TASP1: variants seen among roughly 807,000 people sequenced by gnomAD.
TASP1 encodes taspase 1.
Under a neutral mutation model 56.6 loss-of-function variants are expected in TASP1, and 16 were observed. The observed-to-expected ratio is 0.28, with a 90% CI of 0.19 to 0.43. TASP1 has a LOEUF of 0.43. TASP1 is among the 20% of genes least tolerant of loss of function. The pLI is 1.00. For missense variants in TASP1, 393 were observed against 511.6 expected, an observed-to-expected ratio of 0.77 and a Z score of 2.24; for synonymous variants, 179 against 184.2, an observed-to-expected ratio of 0.97 and a Z score of 0.23.
intron 6 of TASP1, among the ~76,000 whole-genome samples, chr20:13,577,946 A>T (rs2046983260): frequency 6.6e-6 from 1 of 152,202 alleles, no homozygotes; most frequent in African/African-American, 2.4e-5. Flanking sequence ...TTACATTTTT[A>T]TATTCTACAA....
At chr20:13,518,503 C>A (rs890536388) in intron 10 of TASP1, among the ~76,000 whole-genome samples, 11 of 151,998 alleles carry the variant, frequency 7.2e-5, no homozygotes, top group African/African-American at 2.7e-4. Flanking sequence ...AATTAAGCCC[C>A]AAACACCTCA....
intron 10 of TASP1, among the ~76,000 whole-genome samples, chr20:13,518,524 T>C (rs970153093): frequency 6.6e-6 from 1 of 152,080 alleles, no homozygotes; most frequent in African/African-American, 2.4e-5. Context: ...GACTCAATCA[T>C]CTTCTTCAGG....
intron 13 of TASP1, among the ~76,000 whole-genome samples, chr20:13,398,067 G>C (rs1190628974): frequency 6.6e-6 from 1 of 152,118 alleles, no homozygotes; most frequent in African/African-American, 2.4e-5. Flanking sequence ...AGTTTGAAAA[G>C]AGCATCTTCT....
the TASP1 span, among the ~76,000 whole-genome samples, chr20:13,150,763 C>T: frequency 2.6e-5 from 4 of 152,346 alleles, no homozygotes; most frequent in East Asian, 7.7e-4. Context: ...GCTTCAACCA[C>T]ATCTTGCCTT....
the TASP1 span, among the ~76,000 whole-genome samples, chr20:13,332,837 G>T: frequency 6.6e-6 from 1 of 152,126 alleles, no homozygotes; most frequent in African/African-American, 2.4e-5. Flanking sequence ...GCAAATTCTG[G>T]TGTGAACGGA....
At chr20:13,471,701 C>T (rs2044499632) in intron 11 of TASP1, among the ~76,000 whole-genome samples, 1 of 152,166 alleles carries the variant, frequency 6.6e-6, no homozygotes, top group South Asian at 2.1e-4. Context: ...GAGTATAGCT[C>T]CGTTCCAAGA....
At chr20:13,224,993 C>A in the TASP1 span, among the ~76,000 whole-genome samples, 3 of 151,054 alleles carry the variant, frequency 2.0e-5, no homozygotes, top group African/African-American at 7.3e-5. Flanking sequence ...CTACAGGCGC[C>A]TGCCACCACG....
chr20:13,525,530 T>G (rs1487185195), intron 10 of TASP1, among the ~76,000 whole-genome samples: 1 of 152,174 alleles, frequency 6.6e-6, no homozygotes, highest in African/African-American at 2.4e-5. Flanking sequence ...CCATCTGGCC[T>G]TGGGAGAGCC....
chr20:13,412,050 G>A (rs1045943636), intron 13 of TASP1, among the ~76,000 whole-genome samples: 1 of 152,072 alleles, frequency 6.6e-6, no homozygotes, highest in Non-Finnish European at 1.5e-5. Flanking sequence ...GTCTTTCTCT[G>A]GCCACTGCCA....
chr20:13,463,919 C>G (rs1217213250), intron 11 of TASP1, among the ~76,000 whole-genome samples: 1 of 152,058 alleles, frequency 6.6e-6, no homozygotes, highest in African/African-American at 2.4e-5. Flanking sequence ...AAATGTGCAG[C>G]TGCTAAGGAA....
chr20:13,580,861 A>G (rs2047095733), intron 6 of TASP1, 36 bp downstream of exon 6: 1 of 1,606,550 alleles, frequency 6.2e-7, no homozygotes, highest in Non-Finnish European at 8.5e-7. Flanking sequence ...AAAATGCACT[A>G]AAGACAGGGA....
intron 1 of TASP1, among the ~76,000 whole-genome samples, chr20:13,634,961 G>A (rs1346305713): frequency 6.6e-6 from 1 of 151,790 alleles, no homozygotes; most frequent in Non-Finnish European, 1.5e-5. Flanking sequence ...CCAGGAAGCA[G>A]AGGTTGCAGT....
At chr20:13,287,791 TG>T in the TASP1 span, among the ~76,000 whole-genome samples, 5 of 152,194 alleles carry the variant, frequency 3.3e-5, no homozygotes, top group Non-Finnish European at 5.9e-5. Context: ...TCACCATTAA[TG>T]TATCGGTAAT....
intron 8 of TASP1, among the ~76,000 whole-genome samples, chr20:13,554,542 A>T (rs2046091872): frequency 6.6e-6 from 1 of 152,196 alleles, no homozygotes; most frequent in Admixed American, 6.5e-5. Context: ...GCAATAAAAA[A>T]ATCCCAAATT....
intron 11 of TASP1, among the ~76,000 whole-genome samples, chr20:13,440,323 G>A (rs1365985469): frequency 6.6e-6 from 1 of 152,128 alleles, no homozygotes; most frequent in Non-Finnish European, 1.5e-5. Flanking sequence ...AAATAATGAG[G>A]AAGAAAATAA....
chr20:13,354,308 T>C, the TASP1 span, among the ~76,000 whole-genome samples: 1 of 152,092 alleles, frequency 6.6e-6, no homozygotes, highest in African/African-American at 2.4e-5. Flanking sequence ...AAAGAAAAAT[T>C]CCATGTTGAA....
the TASP1 span, among the ~76,000 whole-genome samples, chr20:13,225,104 T>C: frequency 0.12 from 18,896 of 151,314 alleles, 1,363 homozygotes; most frequent in Middle Eastern, 0.19. Context: ...CCGCCCGCCT[T>C]GGCCTCCCAA....
chr20:13,115,468 G>A, the TASP1 span, among the ~76,000 whole-genome samples: 1 of 152,138 alleles, frequency 6.6e-6, no homozygotes. Context: ...AAACACTGTG[G>A]GCCATTAACT....
chr20:13,502,182 C>T (rs1050359662), intron 10 of TASP1, among the ~76,000 whole-genome samples: 1 of 151,732 alleles, frequency 6.6e-6, no homozygotes, highest in African/African-American at 2.4e-5. Context: ...ATTATCTGTG[C>T]ATCATCTCTT....
Sources: gnomAD v4.1 joint callset for allele counts (sites outside exome capture counted in the v4.1 genomes callset) on GRCh38, gnomAD v4.1.1 for gene constraint, MANE v1.5 for transcripts, NCBI Gene and HGNC (gene_info 2026-07-23, HGNC 2026-07-21) for gene names.